Variants in PAM observed in about 807,000 individuals in gnomAD.
PAM encodes peptidylglycine alpha-amidating monooxygenase.
PAM carries 72 observed loss-of-function variants against 122.1 expected under a neutral mutation model. That is an observed-to-expected ratio of 0.59 (90% CI 0.49 to 0.72). The LOEUF is 0.72. Among genes scored for constraint, PAM ranks in the 30% least tolerant of loss-of-function variants. The probability of loss-of-function intolerance (pLI) is 0.00; values close to 1 mark genes in which losing one functional copy is unlikely to be tolerated. For missense variants in PAM, 1,106 were observed against 1,183.7 expected (o/e 0.93, Z 0.96); for synonymous variants, 389 against 404.4 (o/e 0.96, Z 0.46).
At position 102,761,551 on chromosome 5, in the gene PAM, G is replaced by T. The variant is rs145977375; in HGVS notation, c.-374+6203G>T. ...AATCATACTACTACCTGCTTTTTCC[G>T]TGGCTAAAAATGCCTTATAAATTTC... On this transcript the variant is annotated intron_variant, in intron 1 of 25. Transcript: ENST00000438793. 4.4e-3 allele frequency among the ~76,000 whole-genome samples: 664 copies of T among 152,200 alleles called. 6 individuals are homozygous for T. The highest frequency in any genetic ancestry group is 0.015 in the African/African-American group (634 of 41,540).
intron 14 of PAM, among the ~76,000 whole-genome samples, chr5:102,968,694 T>A (rs1297705665): frequency 2.0e-5 from 3 of 152,148 alleles, no homozygotes; most frequent in Non-Finnish European, 2.9e-5. Context: ...AATTATATGG[T>A]CACCTTAGCA....
In PAM at chr5:103,017,426, G is replaced by T. The variant is rs1782348269; in HGVS notation, c.2424G>T (p.Leu808Phe). Residue 808 changes from leucine (L) to phenylalanine (F), a missense_variant, in exon 22 of 26, where the codon TTG becomes TTT. Physicochemically the swap from Leu to Phe is conservative, Grantham distance 22. Around this residue, in one of 3 missense-constraint regions of PAM, gnomAD observed 333 missense variants for 335.6 expected, o/e 0.99. Transcript: ENST00000438793. ...AHTNTVWKFT[L>F]TEKLEHRSVK... ...CCAACACCGTGTGGAAGTTCACCTT[G>T]ACTGAGAGTATGGTTTTCACAGTAT... The T allele has an allele frequency of 1.3e-6, 2 of 1,579,186 alleles. No individual in the cohort carries two copies. Among genetic ancestry groups the T allele is most frequent in the East Asian group, 2.2e-5 (1 of 44,706 alleles).
chr5:102,890,073 A>G (rs1392274040), intron 3 of PAM, among the ~76,000 whole-genome samples: 1 of 151,946 alleles, frequency 6.6e-6, no homozygotes, highest in Non-Finnish European at 1.5e-5. Context: ...AAATCAGGGT[A>G]TTTATTCGAT....
intron 3 of PAM, among the ~76,000 whole-genome samples, chr5:102,880,981 G>A (rs984947746): frequency 6.6e-6 from 1 of 151,952 alleles, no homozygotes; most frequent in African/African-American, 2.4e-5. Flanking sequence ...ACTGTTATGT[G>A]CAACTGTGTG....
At chr5:102,942,171 T>C (rs1755481988) in intron 7 of PAM, among the ~76,000 whole-genome samples, 1 of 152,132 alleles carries the variant, frequency 6.6e-6, no homozygotes, top group Non-Finnish European at 1.5e-5. Flanking sequence ...ACCTCACTCT[T>C]TATTCTCCTA....
chr5:102,785,329 A>G (rs1361673477), intron 1 of PAM, among the ~76,000 whole-genome samples: 1 of 152,236 alleles, frequency 6.6e-6, no homozygotes, highest in Non-Finnish European at 1.5e-5. Flanking sequence ...CATGCCCTTT[A>G]AAGTTTGAGA....
intron 3 of PAM, 26 bp from the exon 4 acceptor site, chr5:102,901,330 G>A: frequency 1.4e-6 from 2 of 1,389,824 alleles, no homozygotes; most frequent in Non-Finnish European, 2.0e-6. Flanking sequence ...AGTTTAATTT[G>A]GATTTTTTAA....
chr5:102,900,254 T>TGTGG (rs777616737), intron 3 of PAM, among the ~76,000 whole-genome samples: 1,877 of 26,932 alleles, frequency 0.07, 103 homozygotes, highest in East Asian at 0.31. Flanking sequence ...TGTGTGTGTG[T>TGTGG]GGGGGGGGGG....
At chr5:102,920,363 C>A (rs1210314380) in intron 5 of PAM, among the ~76,000 whole-genome samples, 2 of 152,086 alleles carry the variant, frequency 1.3e-5, no homozygotes, top group Admixed American at 1.3e-4. Context: ...ATGAATAAAA[C>A]AGACACACAC....
At chr5:102,918,654 G>C (rs542978917) in intron 5 of PAM, among the ~76,000 whole-genome samples, 3 of 152,054 alleles carry the variant, frequency 2.0e-5, no homozygotes, top group South Asian at 2.1e-4. Flanking sequence ...TAAGTGATTA[G>C]CTACTTAGAG....
intron 15 of PAM, among the ~76,000 whole-genome samples, chr5:102,978,591 A>G (rs1252862594): frequency 1.3e-5 from 2 of 152,186 alleles, no homozygotes; most frequent in African/African-American, 4.8e-5. Flanking sequence ...TGGATGTGAG[A>G]AAATACACCT....
intron 8 of PAM, among the ~76,000 whole-genome samples, chr5:102,947,718 C>A (rs1403509708): frequency 2.0e-5 from 3 of 152,126 alleles, no homozygotes; most frequent in African/African-American, 4.8e-5. Context: ...TACTACACTT[C>A]TTTTAGCCCA....
At chr5:102,907,792 G>A (rs1381833361) in intron 4 of PAM, among the ~76,000 whole-genome samples, 1 of 151,990 alleles carries the variant, frequency 6.6e-6, no homozygotes, top group Non-Finnish European at 1.5e-5. Context: ...GTCTGTTCAT[G>A]TCCTTTGCCC....
intron 3 of PAM, among the ~76,000 whole-genome samples, chr5:102,900,254 T>TGTG (rs777616737): frequency 0.031 from 837 of 26,978 alleles, 43 homozygotes; most frequent in African/African-American, 0.13. Context: ...TGTGTGTGTG[T>TGTG]GGGGGGGGGG....
chr5:102,958,929 A>C (rs1411169389), intron 12 of PAM, among the ~76,000 whole-genome samples: 3 of 152,092 alleles, frequency 2.0e-5, no homozygotes, highest in African/African-American at 7.2e-5. Context: ...TGTCAATACT[A>C]ATACTAAAAT....
In PAM at chr5:102,949,946, C is replaced by G; in HGVS notation, c.769C>G (p.Leu257Val). 6.3e-7 allele frequency: 1 copy of G among 1,593,758 alleles called. No homozygotes were observed. The highest frequency in any genetic ancestry group is 8.6e-7 in the Non-Finnish European group (1 of 1,162,326). ...CAGAGTAAGAAATGGACAGTGGACACTGATTGGACGGCAGAGCCCTCAGCT... is the reference window on the plus strand; with the variant it reads ...CAGAGTAAGAAATGGACAGTGGACAGTGATTGGACGGCAGAGCCCTCAGCT... ...GYRVRNGQWT[L>V]IGRQSPQLPQ... Residue 257 changes from leucine (L) to valine (V), a missense_variant, in exon 11 of 26, where the codon CTG becomes GTG. Physicochemically the swap from Leu to Val is conservative, Grantham distance 32. This residue lies in a region of PAM where 670 missense variants were observed against 690.3 expected (regional missense o/e 0.97). Coordinates refer to ENST00000438793, the MANE Select transcript of PAM (RefSeq NM_001177306.2).
At chr5:102,828,110 C>T (rs915171016) in intron 1 of PAM, among the ~76,000 whole-genome samples, 16 of 151,930 alleles carry the variant, frequency 1.1e-4, no homozygotes, top group African/African-American at 3.6e-4. Context: ...AGGCCGAGGC[C>T]AGCAGATTGC....
chr5:102,988,717 AAAG>A (rs774375131), intron 15 of PAM, among the ~76,000 whole-genome samples: 7 of 98,624 alleles, frequency 7.1e-5, no homozygotes, highest in South Asian at 5.4e-4. Flanking sequence ...GAAAGAAAGA[AAAG>A]AAAAAAGGGA....
At chr5:102,808,865 A>G (rs551922946) in intron 1 of PAM, among the ~76,000 whole-genome samples, 1 of 152,220 alleles carries the variant, frequency 6.6e-6, no homozygotes, top group South Asian at 2.1e-4. Flanking sequence ...TAATGCTTCT[A>G]TTATTGTGAT....
Sources: allele counts gnomAD v4.1 joint callset (sites outside exome capture counted in the v4.1 genomes callset), GRCh38; gene constraint gnomAD v4.1.1; regional missense constraint gnomAD v4.1.1; transcripts MANE v1.5; gene names NCBI Gene and HGNC (gene_info 2026-07-23, HGNC 2026-07-21).